DENND1A: variants seen among roughly 807,000 people sequenced by gnomAD.
DENND1A encodes the protein DENN domain containing 1A, also known as DENN domain-containing protein 1A.
Under a neutral mutation model 113.7 loss-of-function variants are expected in DENND1A, and 51 were observed. That is an observed-to-expected ratio of 0.45 (90% CI 0.36 to 0.57). The LOEUF is 0.57. Among genes scored for constraint, DENND1A ranks in the 20% least tolerant of loss-of-function variants. The pLI is 0.00. For missense variants in DENND1A, 1,258 were observed against 1,395.9 expected (o/e 0.90, Z 1.57); for synonymous variants, 565 against 570.8 (o/e 0.99, Z 0.14).
At chr9:123,743,505 G>A (rs1266118655) in intron 5 of DENND1A, among the ~76,000 whole-genome samples, 1 of 152,048 alleles carries the variant, frequency 6.6e-6, no homozygotes, top group African/African-American at 2.4e-5. Flanking sequence ...GCTGGGGTGG[G>A]TGCATCACCT....
intron 2 of DENND1A, among the ~76,000 whole-genome samples, chr9:123,803,913 A>G (rs1021248937): frequency 1.3e-5 from 2 of 152,158 alleles, no homozygotes; most frequent in South Asian, 2.1e-4. Flanking sequence ...TCACATACCA[A>G]CAGCCACACC....
chr9:123,433,120 C>T (rs1391457568), intron 19 of DENND1A, among the ~76,000 whole-genome samples: 2 of 152,176 alleles, frequency 1.3e-5, no homozygotes, highest in African/African-American at 2.4e-5. Flanking sequence ...TGTGTGCCAG[C>T]GCTGAGCTCG....
At chr9:123,920,418 A>T (rs903656504) in intron 1 of DENND1A, among the ~76,000 whole-genome samples, 2 of 152,214 alleles carry the variant, frequency 1.3e-5, no homozygotes, top group African/African-American at 4.8e-5. Context: ...GACAAGAGCA[A>T]GGCTCTGTCA....
At chr9:123,705,082 A>C (rs867995032) in intron 5 of DENND1A, among the ~76,000 whole-genome samples, 97 of 151,156 alleles carry the variant, frequency 6.4e-4, no homozygotes, top group African/African-American at 2.4e-3. Context: ...AAAAAAAAAC[A>C]AACAAACACA....
At chr9:123,628,254 G>A (rs771963156) in intron 10 of DENND1A, among the ~76,000 whole-genome samples, 2 of 151,814 alleles carry the variant, frequency 1.3e-5, no homozygotes, top group African/African-American at 4.8e-5. Context: ...AATAAGATGG[G>A]AAGGAGATGT....
chr9:123,721,384 G>A (rs2067322919), intron 5 of DENND1A, among the ~76,000 whole-genome samples: 1 of 152,154 alleles, frequency 6.6e-6, no homozygotes, highest in Non-Finnish European at 1.5e-5. Context: ...CTCTGCCCGT[G>A]CTGTCCAACC....
intron 13 of DENND1A, among the ~76,000 whole-genome samples, chr9:123,467,293 C>G (rs550541251): frequency 1.3e-5 from 2 of 152,022 alleles, no homozygotes; most frequent in South Asian, 4.2e-4. Context: ...GATGGCGAGG[C>G]CCCATGGAGA....
At chr9:123,558,311 C>T (rs2057542519) in intron 12 of DENND1A, among the ~76,000 whole-genome samples, 2 of 152,090 alleles carry the variant, frequency 1.3e-5, no homozygotes, top group African/African-American at 4.8e-5. Context: ...CCATTCTATC[C>T]CCTCTTAAAG....
At chr9:123,689,947 C>T (rs775834540) in intron 5 of DENND1A, among the ~76,000 whole-genome samples, 29 of 151,258 alleles carry the variant, frequency 1.9e-4, no homozygotes, top group Non-Finnish European at 3.4e-4. Flanking sequence ...CAAGATCGCG[C>T]CACTGTACTC....
chr9:123,462,490 G>A (rs1379196154), intron 13 of DENND1A, among the ~76,000 whole-genome samples: 1 of 152,144 alleles, frequency 6.6e-6, no homozygotes, highest in African/African-American at 2.4e-5. Flanking sequence ...CTGGACAGGA[G>A]AGTTCTCTTT....
chr9:123,789,604 C>A (rs546926704), intron 3 of DENND1A, among the ~76,000 whole-genome samples: 1 of 152,078 alleles, frequency 6.6e-6, no homozygotes, highest in African/African-American at 2.4e-5. Flanking sequence ...TATCATCCCA[C>A]GCAGACAACT....
At chr9:123,886,539 T>C (rs773081438) in intron 1 of DENND1A, among the ~76,000 whole-genome samples, 7 of 152,250 alleles carry the variant, frequency 4.6e-5, no homozygotes, top group Non-Finnish European at 1.0e-4. Flanking sequence ...AATTGAACTC[T>C]CTTAAACTTG....
chr9:123,383,601 C>A (rs555131797), intron 23 of DENND1A, 54 bp downstream of exon 23: 9 of 1,572,736 alleles, frequency 5.7e-6, no homozygotes, highest in Non-Finnish European at 3.5e-6. Context: ...GATCCCACCT[C>A]GTGTGCGGAC....
At chr9:123,723,221 T>C (rs1363710465) in intron 5 of DENND1A, among the ~76,000 whole-genome samples, 1 of 152,242 alleles carries the variant, frequency 6.6e-6, no homozygotes, top group Non-Finnish European at 1.5e-5. Flanking sequence ...ATTTCTCCCA[T>C]TCAGAATGGC....
chr9:123,539,151 C>G (rs919552153), intron 13 of DENND1A, among the ~76,000 whole-genome samples: 3 of 151,980 alleles, frequency 2.0e-5, no homozygotes, highest in African/African-American at 7.3e-5. Context: ...ACTAAGATCA[C>G]TAAAACAGAC....
intron 19 of DENND1A, among the ~76,000 whole-genome samples, chr9:123,433,251 G>C (rs568842616): frequency 6.6e-6 from 1 of 152,340 alleles, no homozygotes; most frequent in East Asian, 1.9e-4. Context: ...CAGCTAGTGA[G>C]TGGCACAGCT....
At chr9:123,859,082 T>C (rs1844696348) in intron 2 of DENND1A, among the ~76,000 whole-genome samples, 1 of 152,226 alleles carries the variant, frequency 6.6e-6, no homozygotes, top group East Asian at 1.9e-4. Context: ...CTCTAGATAC[T>C]GTATCTGAAC....
At chr9:123,410,083 C>T (rs2044186953) in intron 20 of DENND1A, among the ~76,000 whole-genome samples, 1 of 152,174 alleles carries the variant, frequency 6.6e-6, no homozygotes, top group Admixed American at 6.5e-5. Context: ...CAGAGTAAGA[C>T]TCCATCTCAA....
chr9:123,880,115 C>T (rs1161379617), intron 1 of DENND1A, among the ~76,000 whole-genome samples: 9 of 152,158 alleles, frequency 5.9e-5, no homozygotes, highest in Non-Finnish European at 1.0e-4. Flanking sequence ...CAGGTTCAAG[C>T]GATTCTCCTG....
Sources: allele counts gnomAD v4.1 joint callset (sites outside exome capture counted in the v4.1 genomes callset), GRCh38; gene constraint gnomAD v4.1.1; transcripts MANE v1.5; gene names NCBI Gene and HGNC (gene_info 2026-07-23, HGNC 2026-07-21).